The following PALM2AKAP2 variants were observed in gnomAD, a reference collection of about 807,000 sequenced individuals.
PALM2AKAP2 encodes the protein PALM2 and AKAP2 fusion, also known as PALM2-AKAP2 fusion protein.
PALM2AKAP2 carries 37 observed loss-of-function variants against 71.5 expected under a neutral mutation model. The observed-to-expected ratio is 0.52, with a 90% CI of 0.40 to 0.68. The LOEUF (loss-of-function observed/expected upper bound fraction) is 0.68. PALM2AKAP2 is among the 30% of genes least tolerant of loss of function. The pLI, the probability that PALM2AKAP2 is intolerant of heterozygous loss-of-function variation, is 0.00. For synonymous variants in PALM2AKAP2, 468 were observed against 478.8 expected, an observed-to-expected ratio of 0.98 and a Z score of 0.29; for missense variants, 1,224 against 1,191.8, an observed-to-expected ratio of 1.03 and a Z score of -0.40.
chr9:109,896,367 C>A (rs1438051216), intron 3 of PALM2AKAP2, among the ~76,000 whole-genome samples: 1 of 151,756 alleles, frequency 6.6e-6, no homozygotes, highest in Non-Finnish European at 1.5e-5. Flanking sequence ...ACAACGAAAC[C>A]ATATCAAATA....
intron 2 of PALM2AKAP2, among the ~76,000 whole-genome samples, chr9:110,153,258 C>T (rs1393665742): frequency 1.3e-5 from 2 of 152,162 alleles, no homozygotes; most frequent in African/African-American, 2.4e-5. Flanking sequence ...TTAATTCAGC[C>T]ATCATCAACA....
intron 1 of PALM2AKAP2, among the ~76,000 whole-genome samples, chr9:109,700,887 C>G (rs1828044455): frequency 6.6e-6 from 1 of 152,134 alleles, no homozygotes; most frequent in Admixed American, 6.6e-5. Context: ...TAGCCTTTCA[C>G]TGGAAGGTCA....
At chr9:110,041,197 A>G (rs1833506228) in intron 7 of PALM2AKAP2, among the ~76,000 whole-genome samples, 1 of 151,658 alleles carries the variant, frequency 6.6e-6, no homozygotes, top group South Asian at 2.1e-4. Flanking sequence ...TCATTTCCCA[A>G]CTCTGTGTTT....
intron 6 of PALM2AKAP2, among the ~76,000 whole-genome samples, chr9:110,005,257 A>G (rs1832755959): frequency 1.3e-5 from 2 of 152,236 alleles, no homozygotes; most frequent in Admixed American, 1.3e-4. Flanking sequence ...CAGGACCCTC[A>G]GCTGCAGGTC....
intron 6 of PALM2AKAP2, chr9:109,945,188 A>G (rs1316707117): frequency 6.6e-6 from 1 of 152,096 alleles, no homozygotes; most frequent in Non-Finnish European, 1.5e-5. Flanking sequence ...TTCAAAGTTA[A>G]TTTTCTGAAA....
intron 1 of PALM2AKAP2, among the ~76,000 whole-genome samples, chr9:109,664,788 C>T (rs1827454941): frequency 1.3e-5 from 2 of 152,236 alleles, no homozygotes; most frequent in African/African-American, 4.8e-5. Flanking sequence ...GAGTGTTTTA[C>T]AACTTGGTTC....
At chr9:109,928,675 C>CTTTTTT (rs35829270) in intron 5 of PALM2AKAP2, among the ~76,000 whole-genome samples, 2 of 143,132 alleles carry the variant, frequency 1.4e-5, no homozygotes, top group African/African-American at 2.6e-5. Context: ...CTCTCGCTCT[C>CTTTTTT]TTTTTTTTTT....
At chr9:110,006,402 C>T (rs1646232227) in intron 6 of PALM2AKAP2, among the ~76,000 whole-genome samples, 1 of 141,550 alleles carries the variant, frequency 7.1e-6, no homozygotes, top group Admixed American at 7.5e-5. Context: ...CTTACTCTGT[C>T]ATGCAGTGTT....
At chr9:109,962,452 T>G (rs1335904845) in intron 6 of PALM2AKAP2, among the ~76,000 whole-genome samples, 1 of 152,190 alleles carries the variant, frequency 6.6e-6, no homozygotes, top group Admixed American at 6.5e-5. Flanking sequence ...GTATTGTTTA[T>G]GGATGCCTTA....
At chr9:109,938,865 C>T (rs1831291585) in intron 6 of PALM2AKAP2, among the ~76,000 whole-genome samples, 1 of 152,028 alleles carries the variant, frequency 6.6e-6, no homozygotes, top group African/African-American at 2.4e-5. Flanking sequence ...CCCATCTCTA[C>T]TGAAAATACA....
intron 6 of PALM2AKAP2, among the ~76,000 whole-genome samples, chr9:109,981,382 C>T (rs1409148306): frequency 6.6e-6 from 1 of 152,158 alleles, no homozygotes; most frequent in Non-Finnish European, 1.5e-5. Context: ...CTTAGATGGG[C>T]TTGAAGGGTT....
chr9:110,124,534 C>T lies in PALM2AKAP2; in HGVS notation c.157-11593C>T, dbSNP rs553923127. 3.9e-5 allele frequency among the ~76,000 whole-genome samples: 6 copies of T among 152,270 alleles called. No individual in the cohort carries two copies. The South Asian group carries it at 6.2e-4, about 16-fold the overall frequency. On this transcript the variant is annotated intron_variant, in intron 1 of 3. Coordinates refer to ENST00000374525, the Ensembl canonical transcript of PALM2AKAP2. ...GTAGAGTTCCAGGGAACGAGGTGGA[C>T]GGAATCTGGAGGCAGAGTTGAGCCA...
chr9:110,151,831 C>T (rs1836322688), intron 2 of PALM2AKAP2, among the ~76,000 whole-genome samples: 1 of 152,230 alleles, frequency 6.6e-6, no homozygotes, highest in African/African-American at 2.4e-5. Context: ...GTTCCCTGCT[C>T]TGTAAATGTC....
chr9:109,929,696 C>T (rs933291640), intron 5 of PALM2AKAP2, among the ~76,000 whole-genome samples: 45 of 151,930 alleles, frequency 3.0e-4, no homozygotes, highest in Non-Finnish European at 5.6e-4. Flanking sequence ...AACCCCATCT[C>T]TACTAAAAAT....
intron 7 of PALM2AKAP2, among the ~76,000 whole-genome samples, chr9:110,022,798 A>G (rs1238047715): frequency 2.7e-5 from 4 of 150,250 alleles, no homozygotes; most frequent in Non-Finnish European, 5.9e-5. Flanking sequence ...CTCATTGTTC[A>G]GTTCCCACCT....
chr9:110,066,290 G>C (rs1564287040), intron 1 of PALM2AKAP2, among the ~76,000 whole-genome samples: 1 of 152,180 alleles, frequency 6.6e-6, no homozygotes, highest in Non-Finnish European at 1.5e-5. Flanking sequence ...GTGACTTCCT[G>C]TCCTTGTCAC....
chr9:110,017,115 G>A (rs531767281), intron 7 of PALM2AKAP2, among the ~76,000 whole-genome samples: 18 of 152,292 alleles, frequency 1.2e-4, no homozygotes, highest in South Asian at 4.1e-4. Flanking sequence ...TCCTGACCTC[G>A]AGATCCGCCT....
intron 6 of PALM2AKAP2, among the ~76,000 whole-genome samples, chr9:109,932,850 A>G (rs1831137064): frequency 6.6e-6 from 1 of 152,224 alleles, no homozygotes; most frequent in Non-Finnish European, 1.5e-5. Flanking sequence ...TGCATATTCT[A>G]GGTAAGTGTA....
At chr9:110,088,703 GTTTTT>G (rs71373964) in intron 1 of PALM2AKAP2, among the ~76,000 whole-genome samples, 2,203 of 74,150 alleles carry the variant, frequency 0.03, no homozygotes, top group Non-Finnish European at 0.037. Flanking sequence ...GCATTTACGT[GTTTTT>G]TTTTTTTTTT....
Sources: gnomAD v4.1 joint callset for allele counts (sites outside exome capture counted in the v4.1 genomes callset) on GRCh38, gnomAD v4.1.1 for gene constraint, MANE v1.5 for transcripts, NCBI Gene and HGNC (gene_info 2026-07-23, HGNC 2026-07-21) for gene names.